Variants in SEMA3D observed in about 807,000 individuals in gnomAD.
SEMA3D encodes the protein semaphorin 3D, also known as semaphorin-3D.
SEMA3D carries 84 observed loss-of-function variants against 100.1 expected under a neutral mutation model. That is an observed-to-expected ratio of 0.84 (90% CI 0.70 to 1.01). The LOEUF (loss-of-function observed/expected upper bound fraction) is 1.01, where lower values mean the gene tolerates loss of function less well. SEMA3D is among the 50% of genes least tolerant of loss of function. The pLI, the probability that SEMA3D is intolerant of heterozygous loss-of-function variation, is 0.00. For synonymous variants in SEMA3D, 312 were observed against 320.7 expected (o/e 0.97, Z 0.29); for missense variants, 875 against 934.1 (o/e 0.94, Z 0.82).
chr7:85,125,227 A>G (rs1226297040), intron 2 of SEMA3D, among the ~76,000 whole-genome samples: 4 of 152,128 alleles, frequency 2.6e-5, no homozygotes, highest in Non-Finnish European at 5.9e-5. Flanking sequence ...TAGGCAAAAA[A>G]GAGGGAACTT....
the SEMA3D span, among the ~76,000 whole-genome samples, chr7:85,192,974 A>C: frequency 6.6e-6 from 1 of 152,186 alleles, no homozygotes; most frequent in African/African-American, 2.4e-5. Flanking sequence ...TTCTAAGAAA[A>C]GAAGATAATT....
At chr7:85,013,681 A>G (rs770668365) in intron 16 of SEMA3D, among the ~76,000 whole-genome samples, 2 of 151,804 alleles carry the variant, frequency 1.3e-5, no homozygotes, top group Non-Finnish European at 2.9e-5. Flanking sequence ...ACAACAGATG[A>G]CAAGATTCAT....
At chr7:85,076,376 ATAAC>A (rs1327100549) in intron 5 of SEMA3D, among the ~76,000 whole-genome samples, 1 of 152,222 alleles carries the variant, frequency 6.6e-6, no homozygotes, top group African/African-American at 2.4e-5. Context: ...ACATATATAA[ATAAC>A]TAAATAGACA....
rs1322453876 is a variant in SEMA3D, at chr7:84,998,573, A to G, written c.*867T>C. 6.6e-6 allele frequency: 1 copy of G among 152,162 alleles called. No homozygotes were observed. Among genetic ancestry groups the G allele is most frequent in the Non-Finnish European group, 1.5e-5 (1 of 68,006 alleles). 9.4% of individuals were successfully genotyped at this position (152,162 alleles called of 1,614,324 possible). ...GGGGATATGAGTTTTCCCCAAAGCC[A>G]GAATTTATGGCTGTCTTTCCTTCTG... is the stretch of plus-strand genomic sequence containing the variant. On this transcript the variant is annotated 3_prime_UTR_variant, in exon 19 of 19. Transcript: ENST00000284136.
chr7:85,002,815 T>A (rs769304655), intron 18 of SEMA3D, among the ~76,000 whole-genome samples: 99 of 152,232 alleles, frequency 6.5e-4, no homozygotes, highest in African/African-American at 2.0e-3. Flanking sequence ...TCATCTAACA[T>A]GAGAAGAGTA....
the SEMA3D span, among the ~76,000 whole-genome samples, chr7:85,236,911 A>C: frequency 6.6e-6 from 1 of 152,272 alleles, no homozygotes; most frequent in South Asian, 2.1e-4. Flanking sequence ...AGTGTTAATA[A>C]ATTTTAATTT....
upstream of SEMA3D, among the ~76,000 whole-genome samples, chr7:85,189,565 G>A (rs925158223): frequency 5.3e-5 from 8 of 152,254 alleles, no homozygotes; most frequent in African/African-American, 9.6e-5. Flanking sequence ...AAGATTTAAC[G>A]AGTGAGCCTT....
chr7:85,072,910 G>A, intron 6 of SEMA3D, 52 bp downstream of exon 6: 1 of 1,404,578 alleles, frequency 7.1e-7, no homozygotes, highest in Non-Finnish European at 9.9e-7. Flanking sequence ...TAGGAATTAA[G>A]TAGTAATGTA....
intron 1 of SEMA3D, among the ~76,000 whole-genome samples, chr7:85,168,817 AGAT>A (rs1297591320): frequency 0.036 from 3,713 of 103,500 alleles, 74 homozygotes; most frequent in East Asian, 0.064. Context: ...AAAGAAAGAA[AGAT>A]GAAAGAAAGA....
At chr7:85,236,467 C>T in the SEMA3D span, among the ~76,000 whole-genome samples, 1 of 151,590 alleles carries the variant, frequency 6.6e-6, no homozygotes, top group Non-Finnish European at 1.5e-5. Context: ...GCCACCATGC[C>T]CAGCTAATTT....
chr7:85,140,557 A>T, intron 2 of SEMA3D: 4 of 979,824 alleles, frequency 4.1e-6, no homozygotes, highest in South Asian at 9.5e-5. Flanking sequence ...TCTGTCCAAC[A>T]TTTTATAGCA....
the SEMA3D span, among the ~76,000 whole-genome samples, chr7:85,206,637 G>C: frequency 6.6e-6 from 1 of 151,988 alleles, no homozygotes; most frequent in African/African-American, 2.4e-5. Context: ...GGACTGTCTT[G>C]GAGATCTAAA....
the SEMA3D span, among the ~76,000 whole-genome samples, chr7:85,247,685 G>T: frequency 1.1e-3 from 164 of 152,166 alleles, no homozygotes; most frequent in African/African-American, 3.7e-3. Flanking sequence ...ACGTAACATT[G>T]GCTAAAGAAT....
intron 5 of SEMA3D, among the ~76,000 whole-genome samples, chr7:85,079,874 G>T (rs548046104): frequency 3.3e-4 from 50 of 152,290 alleles, no homozygotes; most frequent in Non-Finnish European, 5.7e-4. Context: ...TTCATTCTCT[G>T]TGAGTGTTCA....
At chr7:85,052,073 A>C (rs187002632) in intron 9 of SEMA3D, among the ~76,000 whole-genome samples, 12 of 151,960 alleles carry the variant, frequency 7.9e-5, no homozygotes, top group Non-Finnish European at 1.5e-4. Context: ...GAGCAGTAAT[A>C]AAGTGAGGAC....
chr7:85,007,298 T>C (rs1789827029), intron 17 of SEMA3D, among the ~76,000 whole-genome samples: 1 of 151,872 alleles, frequency 6.6e-6, no homozygotes, highest in South Asian at 2.1e-4. Flanking sequence ...ATATAAAATA[T>C]AAACAATTTT....
At chr7:85,092,866 G>A (rs1362467110) in intron 4 of SEMA3D, among the ~76,000 whole-genome samples, 1 of 151,976 alleles carries the variant, frequency 6.6e-6, no homozygotes, top group Non-Finnish European at 1.5e-5. Context: ...AACTTTTGCA[G>A]AGGCAAATAA....
intron 12 of SEMA3D, among the ~76,000 whole-genome samples, chr7:85,030,330 A>T (rs1171186600): frequency 6.6e-6 from 1 of 152,038 alleles, no homozygotes; most frequent in Admixed American, 6.6e-5. Flanking sequence ...AATTTATGAA[A>T]TATTTAAAAA....
intron 5 of SEMA3D, 36 bp downstream of exon 5, chr7:85,081,481 G>A (rs373549628): frequency 2.2e-6 from 3 of 1,394,014 alleles, no homozygotes; most frequent in Non-Finnish European, 3.1e-6. Flanking sequence ...ATCAGTAGAA[G>A]TTTTACAAAG....
Sources: gnomAD v4.1 joint callset for allele counts (sites outside exome capture counted in the v4.1 genomes callset) on GRCh38, gnomAD v4.1.1 for gene constraint, MANE v1.5 for transcripts, NCBI Gene and HGNC (gene_info 2026-07-23, HGNC 2026-07-21) for gene names.